DDX19B: variants seen among roughly 807,000 people sequenced by gnomAD.
The protein encoded by DDX19B is ATP-dependent RNA helicase DDX19B.
Under a neutral mutation model 58.1 loss-of-function variants are expected in DDX19B, and 27 were observed. That is an observed-to-expected ratio of 0.46 (90% CI 0.34 to 0.64). The LOEUF (loss-of-function observed/expected upper bound fraction) is 0.64. Among genes scored for constraint, DDX19B ranks in the 30% least tolerant of loss-of-function variants. The pLI, the probability that DDX19B is intolerant of heterozygous loss-of-function variation, is 0.01. For synonymous variants in DDX19B, 187 were observed against 214.4 expected (o/e 0.87, Z 1.12); for missense variants, 399 against 596.5 (o/e 0.67, Z 3.45).
chr16:70,331,109 C>CCAGAA (rs1963459424), intron 9 of DDX19B, among the ~76,000 whole-genome samples: 2 of 152,118 alleles, frequency 1.3e-5, no homozygotes, highest in Non-Finnish European at 2.9e-5. Flanking sequence ...TAAGGTCTTG[C>CCAGAA]TCTATCATTC....
chr16:70,317,368 G>A (rs1381628875), intron 4 of DDX19B, 128 bp from the exon 5 acceptor site: 8 of 637,850 alleles, frequency 1.3e-5, no homozygotes, highest in Non-Finnish European at 1.3e-5. Flanking sequence ...GCAATAGATC[G>A]AGACTCTGCT....
chr16:70,318,818 C>T (rs1471948442), intron 5 of DDX19B, among the ~76,000 whole-genome samples: 1 of 132,712 alleles, frequency 7.5e-6, no homozygotes, highest in East Asian at 2.4e-4. Context: ...AAAAAGTTGA[C>T]ATATGGCCGG....
chr16:70,315,127 A>G (rs988504330), intron 3 of DDX19B, among the ~76,000 whole-genome samples, 172 bp downstream of exon 3: 3 of 151,992 alleles, frequency 2.0e-5, no homozygotes, highest in Admixed American at 6.6e-5. Context: ...CTGTAATCCC[A>G]GCACTTTGGG....
upstream of DDX19B, among the ~76,000 whole-genome samples, chr16:70,298,113 T>TA (rs1961298171): frequency 6.6e-6 from 1 of 151,874 alleles, no homozygotes; most frequent in African/African-American, 2.4e-5. Flanking sequence ...GTCTCTATCT[T>TA]AAAAAAACAA....
At chr16:70,312,554 ATC>A in intron 1 of DDX19B, 53 bp from the exon 2 acceptor site, 1 of 1,529,630 alleles carries the variant, frequency 6.5e-7, no homozygotes, top group Non-Finnish European at 9.0e-7. Flanking sequence ...TTGATTCCAA[ATC>A]TTTTTAAGTG....
upstream of DDX19B, among the ~76,000 whole-genome samples, chr16:70,296,841 A>G (rs567952223): frequency 2.0e-5 from 3 of 152,276 alleles, no homozygotes; most frequent in East Asian, 3.9e-4. Flanking sequence ...CCCTTTCTCA[A>G]AACGTTTTTA....
chr16:70,298,220 A>G (rs1249774724), upstream of DDX19B, among the ~76,000 whole-genome samples: 2 of 152,146 alleles, frequency 1.3e-5, no homozygotes, highest in African/African-American at 4.8e-5. Flanking sequence ...ATCCTGGCCA[A>G]CATGGTGAAA....
chr16:70,294,801 C>T (rs987550031), upstream of DDX19B: 7 of 1,426,624 alleles, frequency 4.9e-6, no homozygotes, highest in East Asian at 5.2e-5. Flanking sequence ...TTGGCCAGTG[C>T]CAAGAGCAGC....
chr16:70,322,623 G>A (rs527309270), intron 5 of DDX19B, among the ~76,000 whole-genome samples: 3 of 150,374 alleles, frequency 2.0e-5, no homozygotes, highest in African/African-American at 7.3e-5. Context: ...GCCGGGCGTG[G>A]TGGCTCACGA....
chr16:70,296,318 A>T (rs1173258711), upstream of DDX19B, among the ~76,000 whole-genome samples: 2 of 149,014 alleles, frequency 1.3e-5, no homozygotes, highest in South Asian at 2.1e-4. Flanking sequence ...TTTTTTTTTT[A>T]AGAGGCGATG....
intron 5 of DDX19B, among the ~76,000 whole-genome samples, chr16:70,324,102 G>C (rs1416908382): frequency 6.6e-6 from 1 of 152,046 alleles, no homozygotes; most frequent in African/African-American, 2.4e-5. Context: ...GATCATGCAG[G>C]ACCTGTATGC....
At chr16:70,329,608 C>T (rs907040316) in intron 8 of DDX19B, 139 bp downstream of exon 8, 94 of 1,370,496 alleles carry the variant, frequency 6.9e-5, no homozygotes, top group South Asian at 2.4e-4. Flanking sequence ...GGGCCACTTC[C>T]GTGTCAGCGC....
rs994910097 is a variant in DDX19B at position 70,303,254 on chromosome 16, T to C, written c.57+3900T>C. Among the ~76,000 whole-genome samples, 30 of 152,254 alleles carry C rather than the reference T, an allele frequency of 2.0e-4. 1 individual carries two copies. Among genetic ancestry groups the C allele is most frequent in the Admixed American group, 1.9e-3 (29 of 15,278 alleles). On this transcript the variant is annotated intron_variant, in intron 1 of 11. Transcript: ENST00000288071. ...ACCTCCACCTCCTGGGCTCAAGGGA[T>C]TCTCCCACCCTGTCTCCAGAGTAGC...
At chr16:70,314,821 C>T in intron 2 of DDX19B, 81 bp from the exon 3 acceptor site, 1 of 1,513,526 alleles carries the variant, frequency 6.6e-7, no homozygotes, top group Admixed American at 1.7e-5. Flanking sequence ...ACAAAAACTT[C>T]TAGTGTCATA....
intron 5 of DDX19B, among the ~76,000 whole-genome samples, chr16:70,318,093 C>G (rs895120395): frequency 7.0e-6 from 1 of 142,960 alleles, no homozygotes; most frequent in African/African-American, 2.7e-5. Context: ...GTCAAGGGGG[C>G]CAGGTGCAGT....
At chr16:70,307,976 G>A (rs764915191) in intron 1 of DDX19B, among the ~76,000 whole-genome samples, 2 of 150,018 alleles carry the variant, frequency 1.3e-5, no homozygotes, top group South Asian at 2.1e-4. Context: ...ATTTTGAGAC[G>A]GAGTCTCACT....
At chr16:70,294,861 G>T, upstream of DDX19B, 1 of 1,523,888 alleles carries the variant, frequency 6.6e-7, no homozygotes, top group Non-Finnish European at 8.8e-7. Context: ...TGGGGCTGCC[G>T]GGCGCGTCCA....
intron 5 of DDX19B, among the ~76,000 whole-genome samples, chr16:70,323,400 C>G (rs1962955612): frequency 1.3e-5 from 2 of 151,782 alleles, no homozygotes; most frequent in African/African-American, 4.8e-5. Context: ...GCCACTGCAC[C>G]TGACCTTGCC....
rs755584161 is a variant in DDX19B, at chr16:70,316,073, T to C, written c.265T>C (p.Tyr89His). Residue 89 changes from tyrosine to histidine, a missense_variant, in exon 4 of 12, where the codon TAC becomes CAC. Coordinates refer to ENST00000288071, the MANE Select transcript of DDX19B (RefSeq NM_007242.7). ...VLQRDPNSPL[Y>H]SVKSFEELRL... ...GCAGCGGGATCCAAACTCCCCTCTG[T>C]ACTCGGTGAAGTCTTTTGAAGAGCT... The C allele has an allele frequency of 6.2e-7, 1 of 1,614,162 alleles. No individual in the cohort carries two copies. The highest frequency in any genetic ancestry group is 1.1e-5 in the South Asian group (1 of 91,086).
Sources: allele counts gnomAD v4.1 joint callset (sites outside exome capture counted in the v4.1 genomes callset), GRCh38; gene constraint gnomAD v4.1.1; transcripts MANE v1.5; gene names NCBI Gene and HGNC (gene_info 2026-07-23, HGNC 2026-07-21).